Variants in TSC22D1 observed in about 807,000 individuals in gnomAD.
TSC22D1 encodes the protein TSC22 domain family protein 1.
In TSC22D1, 9 loss-of-function variants were observed where a neutral mutation model predicts 74.2. The ratio of observed to expected loss-of-function variants is 0.12; its 90% confidence interval spans 0.07 to 0.21. The LOEUF is 0.21. Ranked by LOEUF, TSC22D1 falls within the 10% of genes least tolerant of loss-of-function variation. The probability of loss-of-function intolerance (pLI) is 1.00; values close to 1 mark genes in which losing one functional copy is unlikely to be tolerated. For missense variants in TSC22D1, 1,427 were observed against 1,304.7 expected, an observed-to-expected ratio of 1.09 and a Z score of -1.44; for synonymous variants, 586 against 492.5, an observed-to-expected ratio of 1.19 and a Z score of -2.51.
At chr13:44,458,717 C>T (rs1009850768) in intron 1 of TSC22D1, among the ~76,000 whole-genome samples, 4 of 152,192 alleles carry the variant, frequency 2.6e-5, no homozygotes, top group East Asian at 3.9e-4. Context: ...TCCCAGTGCC[C>T]GCTCTGATTT....
At chr13:44,526,963 CTTACCTA>C (rs1880574792) in intron 1 of TSC22D1, among the ~76,000 whole-genome samples, 1 of 152,076 alleles carries the variant, frequency 6.6e-6, no homozygotes, top group Non-Finnish European at 1.5e-5. Flanking sequence ...TAAGAGAAAC[CTTACCTA>C]TTGAGGAACA....
chr13:44,496,304 T>G (rs939263759), intron 1 of TSC22D1, among the ~76,000 whole-genome samples: 4 of 151,966 alleles, frequency 2.6e-5, no homozygotes, highest in African/African-American at 9.7e-5. Context: ...TCCCAGCACT[T>G]TGGGAGGCTA....
intron 1 of TSC22D1, among the ~76,000 whole-genome samples, chr13:44,515,104 C>T (rs1228101258): frequency 6.6e-6 from 1 of 152,088 alleles, no homozygotes; most frequent in Non-Finnish European, 1.5e-5. Context: ...AAATCATACC[C>T]TTTGTCCCAG....
At chr13:44,509,250 G>A (rs1229210159) in intron 1 of TSC22D1, among the ~76,000 whole-genome samples, 2 of 152,158 alleles carry the variant, frequency 1.3e-5, no homozygotes, top group South Asian at 2.1e-4. Flanking sequence ...AGATTATTAC[G>A]CTGGAGGAGT....
chr13:44,477,114 G>A (rs2137922653), intron 1 of TSC22D1, among the ~76,000 whole-genome samples: 2 of 152,142 alleles, frequency 1.3e-5, no homozygotes, highest in East Asian at 3.9e-4. Context: ...CCAAGTAGCT[G>A]GCTAATTTTT....
At chr13:44,452,177 C>G (rs571421654) in intron 1 of TSC22D1, among the ~76,000 whole-genome samples, 1 of 152,006 alleles carries the variant, frequency 6.6e-6, no homozygotes, top group Non-Finnish European at 1.5e-5. Flanking sequence ...GGTTAAGTAA[C>G]GAGAAGTAAC....
intron 1 of TSC22D1, among the ~76,000 whole-genome samples, chr13:44,471,477 C>T (rs1397951962): frequency 6.6e-6 from 1 of 152,142 alleles, no homozygotes; most frequent in East Asian, 1.9e-4. Flanking sequence ...GCAAAACTTA[C>T]TAGATAGCAT....
intron 2 of TSC22D1, 42 bp from the exon 3 acceptor site, chr13:44,434,925 T>A (rs371362151): frequency 4.2e-5 from 64 of 1,525,926 alleles, no homozygotes; most frequent in South Asian, 4.1e-4. Context: ...TATTTGGTAT[T>A]TTCTGGACTC....
intron 1 of TSC22D1, among the ~76,000 whole-genome samples, chr13:44,494,081 A>C (rs1248002786): frequency 6.6e-6 from 1 of 152,064 alleles, no homozygotes; most frequent in Non-Finnish European, 1.5e-5. Flanking sequence ...CAATTTAAAA[A>C]TTAGCCAAGC....
At chr13:44,572,334 T>C (rs1164448366) in intron 1 of TSC22D1, among the ~76,000 whole-genome samples, 2 of 152,222 alleles carry the variant, frequency 1.3e-5, no homozygotes, top group African/African-American at 2.4e-5. Flanking sequence ...TAATGTACTT[T>C]AGGCTTTCTG....
chr13:44,434,069 A>C lies in TSC22D1; in HGVS notation c.*557T>G. 1 of 1,528,140 alleles carries C rather than the reference A, an allele frequency of 6.5e-7. No individual in the cohort carries two copies. The highest frequency in any genetic ancestry group is 2.5e-5 in the East Asian group (1 of 40,810). 94.7% of individuals were successfully genotyped at this position (1,528,140 alleles called of 1,614,324 possible). On this transcript the variant is annotated 3_prime_UTR_variant, in exon 3 of 3. Transcript: ENST00000458659. Reference sequence around the variant, plus strand: ...TCACTCTCATAGTTTTGTGTCATCCATTGTTTGAGAAGAAAGAGGCACAGT... The same window carrying C: ...TCACTCTCATAGTTTTGTGTCATCCCTTGTTTGAGAAGAAAGAGGCACAGT...
chr13:44,535,638 AAAC>A (rs1172410182), intron 1 of TSC22D1, among the ~76,000 whole-genome samples: 1 of 151,854 alleles, frequency 6.6e-6, no homozygotes, highest in Non-Finnish European at 1.5e-5. Context: ...ACAAACAAAC[AAAC>A]AAAAAAAACC....
Position 44,434,695 on chromosome 13 carries a change from G to A in TSC22D1, c.3153C>T (p.Thr1051=). ...GCTGTGTGGTGCCCTGTGGCTGGGTGGTGGCAGGGGGGGAGCCAGTCTGCA... is the reference window on the plus strand; with the variant it reads ...GCTGTGTGGTGCCCTGTGGCTGGGTAGTGGCAGGGGGGGAGCCAGTCTGCA... ...AQLQTGSPPA[T]TQPQGTTQPP... Residue 1051 remains threonine (T), a synonymous_variant, in exon 3 of 3, where the codon ACC becomes ACT. Coordinates refer to ENST00000458659, the MANE Select transcript of TSC22D1 (RefSeq NM_183422.4). 6.2e-7 allele frequency: 1 copy of A among 1,610,576 alleles called. No individual in the cohort carries two copies. Among genetic ancestry groups the A allele is most frequent in the Middle Eastern group, 1.9e-4 (1 of 5,168 alleles).
chr13:44,498,103 A>T (rs936419311), intron 1 of TSC22D1, among the ~76,000 whole-genome samples: 1 of 151,790 alleles, frequency 6.6e-6, no homozygotes, highest in Non-Finnish European at 1.5e-5. Flanking sequence ...AAAAAACCAA[A>T]AAAAAAAATG....
At chr13:44,491,632 A>T (rs1230203916) in intron 1 of TSC22D1, among the ~76,000 whole-genome samples, 1 of 152,184 alleles carries the variant, frequency 6.6e-6, no homozygotes, top group Non-Finnish European at 1.5e-5. Flanking sequence ...TACAATCCAA[A>T]AAAATCCAAT....
chr13:44,436,270 C>T, intron 1 of TSC22D1, 175 bp from the exon 2 acceptor site: 2 of 866,740 alleles, frequency 2.3e-6, no homozygotes, highest in Non-Finnish European at 3.6e-6. Flanking sequence ...TAACGAATAT[C>T]CAGGCATCTC....
chr13:44,501,704 C>T (rs1879224897), intron 1 of TSC22D1, among the ~76,000 whole-genome samples: 2 of 152,252 alleles, frequency 1.3e-5, no homozygotes, highest in East Asian at 1.9e-4. Flanking sequence ...GTAATAAACA[C>T]ATGAAAAGCT....
intron 1 of TSC22D1, among the ~76,000 whole-genome samples, chr13:44,519,443 T>C (rs1347182607): frequency 1.3e-5 from 2 of 152,028 alleles, no homozygotes; most frequent in African/African-American, 4.8e-5. Flanking sequence ...ACCAGGAGTA[T>C]ACAAAATGGA....
chr13:44,539,158 T>C, intron 1 of TSC22D1: 1 of 985,280 alleles, frequency 1.0e-6, no homozygotes, highest in Non-Finnish European at 1.2e-6. Context: ...GACTTTTGAG[T>C]ATATTAAACA....
Sources: gnomAD v4.1 joint callset for allele counts (sites outside exome capture counted in the v4.1 genomes callset) on GRCh38, gnomAD v4.1.1 for gene constraint, MANE v1.5 for transcripts, NCBI Gene and HGNC (gene_info 2026-07-23, HGNC 2026-07-21) for gene names.